Variants in TNFRSF11A observed in about 807,000 individuals in gnomAD.
TNFRSF11A encodes tumor necrosis factor receptor superfamily member 11A.
Under a neutral mutation model 55.7 loss-of-function variants are expected in TNFRSF11A, and 32 were observed. That is an observed-to-expected ratio of 0.57 (90% confidence interval 0.43 to 0.77). The LOEUF (loss-of-function observed/expected upper bound fraction) is 0.77. Ranked by LOEUF, TNFRSF11A falls within the 30% of genes least tolerant of loss-of-function variation. The pLI is 0.00. For synonymous variants in TNFRSF11A, 311 were observed against 331.0 expected (o/e 0.94, Z 0.65); for missense variants, 753 against 809.8 (o/e 0.93, Z 0.85).
intron 7 of TNFRSF11A, 119 bp downstream of exon 7, chr18:62,361,912 C>G (rs1282602708): frequency 1.3e-5 from 12 of 937,238 alleles, no homozygotes; most frequent in Non-Finnish European, 1.9e-5. Context: ...TAAACTAAAG[C>G]AAAACACGTT....
rs1331064013 is a variant in TNFRSF11A, at chr18:62,388,485, CAG to C, written c.*3454_*3455del. 2 of 152,298 alleles carry C rather than the reference CAG, an allele frequency of 1.3e-5. No homozygotes were observed. Among genetic ancestry groups the C allele is most frequent in the Non-Finnish European group, 2.9e-5 (2 of 68,096 alleles). 9.4% of individuals were successfully genotyped at this position (152,298 alleles called of 1,614,324 possible). The stretch of plus-strand genomic sequence containing the variant: ...AATGAGAGGGTAGGGGGTGGACACA[CAG>C]AGGGGAAGATGGCCCCCTTGCCATC... On this transcript the variant is annotated 3_prime_UTR_variant, in exon 10 of 10. Transcript: ENST00000586569.
intron 1 of TNFRSF11A, among the ~76,000 whole-genome samples, chr18:62,335,813 T>TA (rs1304426819): frequency 6.6e-6 from 1 of 152,244 alleles, no homozygotes; most frequent in Non-Finnish European, 1.5e-5. Context: ...AGGAAACTGT[T>TA]ACAGTCTTCT....
At position 62,391,171 on chromosome 18, in the gene TNFRSF11A, C is replaced by T. The variant is rs554972286; in HGVS notation, c.*6137C>T. The T allele has an allele frequency of 6.6e-6, 1 of 152,328 alleles. No individual in the cohort carries two copies. The highest frequency in any genetic ancestry group is 2.4e-5 in the African/African-American group (1 of 41,554). 9.4% of individuals were successfully genotyped at this position (152,328 alleles called of 1,614,324 possible). On this transcript the variant is annotated 3_prime_UTR_variant, in exon 10 of 10. Transcript: ENST00000586569. ...TCCTTGAGATCCATCGGTGGGTACA[C>T]CAGTAGTTCCATTTTTTTTCTGAGT...
At chr18:62,346,299 CCCAGTTTGCA>C (rs2046383079) in intron 1 of TNFRSF11A, among the ~76,000 whole-genome samples, 2 of 152,166 alleles carry the variant, frequency 1.3e-5, no homozygotes, top group Non-Finnish European at 2.9e-5. Flanking sequence ...AGCTTTTTGA[CCCAGTTTGCA>C]TGGCCGCATG....
intron 2 of TNFRSF11A, among the ~76,000 whole-genome samples, chr18:62,348,484 G>A (rs1401329639): frequency 6.6e-6 from 1 of 152,162 alleles, no homozygotes. Flanking sequence ...CTTAATTTGG[G>A]CTGAAACACA....
intron 9 of TNFRSF11A, among the ~76,000 whole-genome samples, chr18:62,384,329 T>C (rs563606780): frequency 7.6e-6 from 1 of 132,038 alleles, no homozygotes; most frequent in Non-Finnish European, 1.6e-5. Context: ...CCTCCTCTCC[T>C]CCTCCTCCTC....
rs187249699 is a variant in TNFRSF11A at position 62,359,174 on chromosome 18, C to T, written c.522-781C>T. ...TCAGAGGCAGGAGGTTTGCTTGAGC[C>T]CAGGAGTTTGAGAACAGCCTGGGCA... On this transcript the variant is annotated intron_variant, in intron 5 of 9. Transcript: ENST00000586569. Among the ~76,000 whole-genome samples, 301 of 152,018 alleles carry T rather than the reference C, an allele frequency of 2.0e-3. 1 individual carries two copies. Among genetic ancestry groups the T allele is most frequent in the Non-Finnish European group, 3.1e-3 (211 of 67,950 alleles).
At chr18:62,349,164 TC>T (rs1302347298) in intron 2 of TNFRSF11A, among the ~76,000 whole-genome samples, 1 of 133,398 alleles carries the variant, frequency 7.5e-6, no homozygotes, top group Non-Finnish European at 1.7e-5. Flanking sequence ...ATCATTCTAT[TC>T]CTTTTTTTTT....
Position 62,386,022 on chromosome 18 carries a change from G to C in TNFRSF11A, c.*988G>C, listed in dbSNP as rs917240563. ...ATTTATTTCTCCTGAATCTTTTTAA[G>C]TTTGTGTCGTTCCTTAAGCAGAACT... On this transcript the variant is annotated 3_prime_UTR_variant, in exon 10 of 10. Transcript: ENST00000586569. The C allele has an allele frequency of 1.3e-5, 2 of 152,206 alleles. No homozygotes were observed. Among genetic ancestry groups the C allele is most frequent in the African/African-American group, 2.4e-5 (1 of 41,452 alleles). The allele number at this position is 152,206 out of a possible 1,614,324, so 9.4% of individuals were successfully genotyped here.
At chr18:62,363,707 T>C (rs1909871393) in intron 7 of TNFRSF11A, among the ~76,000 whole-genome samples, 1 of 152,228 alleles carries the variant, frequency 6.6e-6, no homozygotes, top group Admixed American at 6.5e-5. Context: ...CATTGTTGAA[T>C]GCCTTTATTT....
rs1182498824 is a variant in TNFRSF11A, at chr18:62,386,302, C to T, written c.*1268C>T. On this transcript the variant is annotated 3_prime_UTR_variant, in exon 10 of 10. Transcript: ENST00000586569. The stretch of plus-strand genomic sequence containing the variant: ...ATTTTTTTTGTCTAGATAAGAATAG[C>T]GTGAATAGATCCTCTTTTATTCGTA... 3.3e-5 allele frequency: 5 copies of T among 152,086 alleles called. No homozygotes were observed. Among genetic ancestry groups the T allele is most frequent in the Admixed American group, 6.5e-5 (1 of 15,274 alleles). The allele number at this position is 152,086 out of a possible 1,614,324, so 9.4% of individuals were successfully genotyped here. A position where few individuals can be genotyped will look rare whatever the true frequency, so the allele number is the denominator to read the frequency against.
Position 62,337,674 on chromosome 18 carries a change from G to A in TNFRSF11A, c.76-10494G>A, listed in dbSNP as rs1045436036. ...TGTCATCTTCTCAAAGAGGCTTCCT[G>A]TAATCATACCACCACCTTACATAGA... On this transcript the variant is annotated intron_variant, in intron 1 of 9. Transcript: ENST00000586569. Among the ~76,000 whole-genome samples the A allele has an allele frequency of 3.3e-5, 5 of 152,308 alleles. No homozygotes were observed. The East Asian group carries it at 7.7e-4, about 23-fold the overall frequency.
At chr18:62,334,537 C>T (rs1294189539) in intron 1 of TNFRSF11A, among the ~76,000 whole-genome samples, 1 of 152,220 alleles carries the variant, frequency 6.6e-6, no homozygotes, top group African/African-American at 2.4e-5. Context: ...TAGGTTAAAC[C>T]TTTGCCCTCA....
intron 7 of TNFRSF11A, among the ~76,000 whole-genome samples, chr18:62,364,152 G>A (rs1909900558): frequency 6.6e-6 from 1 of 152,240 alleles, no homozygotes; most frequent in Non-Finnish European, 1.5e-5. Flanking sequence ...GTCTCCCAGA[G>A]GAGGAAATGG....
In TNFRSF11A at chr18:62,344,791, G is replaced by A. The variant is rs567499965; in HGVS notation, c.76-3377G>A. On this transcript the variant is annotated intron_variant, in intron 1 of 9. Coordinates refer to ENST00000586569, the MANE Select transcript of TNFRSF11A (RefSeq NM_003839.4). ...AACCAGAATACTGTAGGCAAAATGA[G>A]AGGTCAGACTGGGAGGGGCAGGGAC... 2.0e-5 allele frequency among the ~76,000 whole-genome samples: 3 copies of A among 152,326 alleles called. No homozygotes were observed. The East Asian group carries it at 5.8e-4, about 29-fold the overall frequency.
chr18:62,374,498 T>G (rs2145371251), intron 9 of TNFRSF11A, among the ~76,000 whole-genome samples: 1 of 152,350 alleles, frequency 6.6e-6, no homozygotes, highest in Admixed American at 6.5e-5. Context: ...TGAGTGTATT[T>G]GTGTATATTT....
rs1343573083 is a variant in TNFRSF11A at position 62,354,489 on chromosome 18, C to T, written c.382C>T (p.Arg128Cys). ...YHWSQDCECC[R>C]RNTECAPGLG... ...CTGGAGCCAGGACTGCGAGTGCTGCCGCCGCAACACCGAGTGCGCGCCGGG... is the reference window on the plus strand; with the variant it reads ...CTGGAGCCAGGACTGCGAGTGCTGCTGCCGCAACACCGAGTGCGCGCCGGG... Residue 128 changes from arginine (R) to cysteine (C), a missense_variant, in exon 4 of 10, where the codon CGC (arginine) becomes TGC (cysteine). This residue lies in a region of TNFRSF11A where 30 missense variants were observed against 58.0 expected (regional missense o/e 0.52). Transcript: ENST00000586569. The T allele has an allele frequency of 1.2e-6, 2 of 1,602,078 alleles. No homozygotes were observed. Among genetic ancestry groups the T allele is most frequent in the Non-Finnish European group, 1.7e-6 (2 of 1,179,220 alleles).
chr18:62,346,770 A>G (rs1483952130), intron 1 of TNFRSF11A, among the ~76,000 whole-genome samples: 1 of 152,150 alleles, frequency 6.6e-6, no homozygotes, highest in African/African-American at 2.4e-5. Flanking sequence ...GCCTTCTATA[A>G]TGGAGCTATT....
intron 9 of TNFRSF11A, among the ~76,000 whole-genome samples, chr18:62,377,688 C>T (rs1910992612): frequency 6.6e-6 from 1 of 152,130 alleles, no homozygotes; most frequent in African/African-American, 2.4e-5. Flanking sequence ...ATCTGGATAT[C>T]TTTGGTGAGG....
Sources: allele counts gnomAD v4.1 joint callset (sites outside exome capture counted in the v4.1 genomes callset), GRCh38; gene constraint gnomAD v4.1.1; regional missense constraint gnomAD v4.1.1; transcripts MANE v1.5; gene names NCBI Gene and HGNC (gene_info 2026-07-23, HGNC 2026-07-21).